The following CSMD1 variants were observed in gnomAD, a reference collection of about 807,000 sequenced individuals.
CSMD1 encodes CUB and Sushi multiple domains 1, also known as CUB and sushi domain-containing protein 1.
In CSMD1, 213 loss-of-function variants were observed where a neutral mutation model predicts 417.5. The ratio of observed to expected loss-of-function variants is 0.51; its 90% CI spans 0.46 to 0.57. The LOEUF (loss-of-function observed/expected upper bound fraction) is 0.57. CSMD1 is among the 20% of genes least tolerant of loss of function. CSMD1 has a pLI of 0.00. For synonymous variants in CSMD1, 2,862 were observed against 1,736.8 expected, an observed-to-expected ratio of 1.65 and a Z score of -16.11; for missense variants, 6,923 against 4,529.7, an observed-to-expected ratio of 1.53 and a Z score of -15.17.
At chr8:3,601,839 C>G (rs1372651037) in intron 8 of CSMD1, among the ~76,000 whole-genome samples, 1 of 152,148 alleles carries the variant, frequency 6.6e-6, no homozygotes, top group Non-Finnish European at 1.5e-5. Context: ...CTGTTTCCCC[C>G]TACGTCTTCA....
At chr8:4,757,547 C>T (rs1277702349) in intron 1 of CSMD1, among the ~76,000 whole-genome samples, 1 of 152,154 alleles carries the variant, frequency 6.6e-6, no homozygotes, top group Non-Finnish European at 1.5e-5. Flanking sequence ...ATGTAGGTGA[C>T]ACAGACTATT....
chr8:4,857,831 A>C (rs2116860546), intron 1 of CSMD1, among the ~76,000 whole-genome samples: 1 of 152,150 alleles, frequency 6.6e-6, no homozygotes, highest in Non-Finnish European at 1.5e-5. Flanking sequence ...ATTCCACCAG[A>C]GGTACAAGGA....
At chr8:4,575,357 A>C (rs1341013036) in intron 2 of CSMD1, among the ~76,000 whole-genome samples, 1 of 152,194 alleles carries the variant, frequency 6.6e-6, no homozygotes, top group Non-Finnish European at 1.5e-5. Flanking sequence ...ATTTTTATTA[A>C]AGTTGCGGGA....
At chr8:4,533,317 C>T (rs753654660) in intron 2 of CSMD1, among the ~76,000 whole-genome samples, 28 of 152,170 alleles carry the variant, frequency 1.8e-4, no homozygotes, top group Non-Finnish European at 2.9e-5. Flanking sequence ...TGACACAAAG[C>T]CAAGGATTAT....
intron 5 of CSMD1, among the ~76,000 whole-genome samples, chr8:3,905,302 G>A (rs1177380239): frequency 1.3e-5 from 2 of 152,116 alleles, no homozygotes; most frequent in African/African-American, 4.8e-5. Context: ...ATAACTTAAA[G>A]AAGGTTAGTG....
chr8:3,560,127 G>A (rs554970552), intron 10 of CSMD1, among the ~76,000 whole-genome samples: 4 of 152,090 alleles, frequency 2.6e-5, no homozygotes, highest in African/African-American at 4.8e-5. Context: ...TTGTAGTGCT[G>A]GGTTCAGCAA....
intron 46 of CSMD1, among the ~76,000 whole-genome samples, chr8:3,099,036 C>T (rs149030390): frequency 6.6e-6 from 1 of 152,106 alleles, no homozygotes; most frequent in Non-Finnish European, 1.5e-5. Context: ...CCCCCCAAAC[C>T]CCTCTGTACT....
At chr8:4,055,295 G>T (rs942270568) in intron 3 of CSMD1, among the ~76,000 whole-genome samples, 1 of 152,002 alleles carries the variant, frequency 6.6e-6, no homozygotes, top group Non-Finnish European at 1.5e-5. Context: ...TTTTTCTCTA[G>T]AAAGATTCCA....
chr8:4,888,332 G>C (rs528644172), intron 1 of CSMD1, among the ~76,000 whole-genome samples: 43 of 151,994 alleles, frequency 2.8e-4, no homozygotes, highest in South Asian at 1.5e-3. Context: ...ATTATCATTA[G>C]TTATTGATTT....
chr8:4,626,356 T>C (rs1004701258), intron 2 of CSMD1, among the ~76,000 whole-genome samples: 1 of 152,012 alleles, frequency 6.6e-6, no homozygotes, highest in African/African-American at 2.4e-5. Context: ...TTAATGCTAC[T>C]GATTTCTAAA....
intron 3 of CSMD1, among the ~76,000 whole-genome samples, chr8:4,056,256 A>G (rs1335684830): frequency 6.6e-6 from 1 of 150,746 alleles, no homozygotes; most frequent in Admixed American, 6.6e-5. Context: ...TAATTTTTGT[A>G]TTTTTTAGTA....
intron 50 of CSMD1, chr8:3,043,826 C>T (rs749481979): frequency 1.0e-4 from 16 of 152,406 alleles, no homozygotes; most frequent in Non-Finnish European, 2.1e-4. Context: ...GAGGTATGGA[C>T]AGGCACTACC....
chr8:4,004,932 G>C lies in CSMD1; in HGVS notation c.611-6822C>G, dbSNP rs1039360842. ...GCTAATTTTTTGTATTTTTAGTAGA[G>C]ACAGGGTTTCACCGTGTTAGCCAGG... On this transcript the variant is annotated intron_variant, in intron 4 of 69. Coordinates refer to ENST00000635120, the MANE Select transcript of CSMD1 (RefSeq NM_033225.6). Among the ~76,000 whole-genome samples, 7 of 152,186 alleles carry C rather than the reference G, an allele frequency of 4.6e-5. No homozygotes were observed. In the South Asian group the frequency reaches 8.3e-4, roughly 18 times the overall value.
At chr8:3,287,787 T>A (rs1009405474) in intron 25 of CSMD1, among the ~76,000 whole-genome samples, 1 of 151,998 alleles carries the variant, frequency 6.6e-6, no homozygotes. Context: ...AATTGAATAC[T>A]CTTTATTTCC....
intron 7 of CSMD1, among the ~76,000 whole-genome samples, chr8:3,670,616 G>A (rs895293290): frequency 2.7e-5 from 4 of 146,204 alleles, no homozygotes; most frequent in South Asian, 2.2e-4. Context: ...ATATATATGG[G>A]GATATATATA....
chr8:4,501,774 G>T (rs765583627), intron 2 of CSMD1, among the ~76,000 whole-genome samples: 6 of 152,076 alleles, frequency 3.9e-5, no homozygotes, highest in Non-Finnish European at 7.4e-5. Flanking sequence ...TTGTGTTCAA[G>T]TTGTCGTTAT....
chr8:3,361,651 C>CAAAAAAAAAAAAAAAAAAAAAAAAAAA, intron 20 of CSMD1, among the ~76,000 whole-genome samples: 1 of 79,214 alleles, frequency 1.3e-5, no homozygotes, highest in Non-Finnish European at 2.2e-5. Flanking sequence ...GATTCCATCT[C>CAAAAAAAAAAAAAAAAAAAAAAAAAAA]AAAAAAAAAA....
At chr8:4,327,719 A>C (rs899121388) in intron 3 of CSMD1, among the ~76,000 whole-genome samples, 2 of 152,242 alleles carry the variant, frequency 1.3e-5, no homozygotes, top group African/African-American at 4.8e-5. Flanking sequence ...TTTAAAATGA[A>C]TAACAAGAGA....
intron 25 of CSMD1, among the ~76,000 whole-genome samples, chr8:3,299,075 G>A (rs567175341): frequency 6.6e-6 from 1 of 152,268 alleles, no homozygotes; most frequent in East Asian, 1.9e-4. Context: ...ATGTAGGTAA[G>A]TGTCAGTCAT....
Sources: gnomAD v4.1 joint callset for allele counts (sites outside exome capture counted in the v4.1 genomes callset) on GRCh38, gnomAD v4.1.1 for gene constraint, MANE v1.5 for transcripts, NCBI Gene and HGNC (gene_info 2026-07-23, HGNC 2026-07-21) for gene names.